The following PLAC1 variants were observed in gnomAD, a reference collection of about 807,000 sequenced individuals.
The protein encoded by PLAC1 is placenta associated 1, also known as placenta-specific protein 1.
For missense variants in PLAC1, 136 were observed against 163.2 expected, an observed-to-expected ratio of 0.83 and a Z score of 0.91; for synonymous variants, 68 against 62.1, an observed-to-expected ratio of 1.09 and a Z score of -0.44.
At chrX:134,649,711 G>A (rs1169341026) in intron 1 of PLAC1, among the ~76,000 whole-genome samples, 2 of 112,420 alleles carry the variant, frequency 1.8e-5, no homozygotes, top group East Asian at 2.8e-4. Flanking sequence ...AAAAGCCACT[G>A]TAAGGCCCTA....
upstream of PLAC1, among the ~76,000 whole-genome samples, chrX:134,662,465 T>C (rs768692481): frequency 8.9e-6 from 1 of 112,682 alleles, no homozygotes; most frequent in Non-Finnish European, 1.9e-5. Flanking sequence ...ACTATTTATG[T>C]CAGGGAAACT....
intron 1 of PLAC1, among the ~76,000 whole-genome samples, chrX:134,736,843 T>C (rs936509166): frequency 1.8e-5 from 2 of 112,033 alleles, no homozygotes; most frequent in Non-Finnish European, 3.8e-5. Context: ...CCGAAGGGCA[T>C]TGTGTTTGAT....
intron 1 of PLAC1, among the ~76,000 whole-genome samples, chrX:134,635,088 G>T (rs1375016185): frequency 9.0e-6 from 1 of 111,588 alleles, no homozygotes; most frequent in Non-Finnish European, 1.9e-5. Flanking sequence ...CTTTCCCTGG[G>T]ATAGTCTGAC....
Position 134,708,214 on chromosome X carries a change from A to C in PLAC1, n.174+25221T>G, listed in dbSNP as rs886808520. Among the ~76,000 whole-genome samples, 27 of 111,855 alleles carry C rather than the reference A, an allele frequency of 2.4e-4. 1 individual carries two copies. Among genetic ancestry groups the C allele is most frequent in the African/African-American group, 7.8e-4 (24 of 30,746 alleles). On this transcript the variant is annotated intron_variant and non_coding_transcript_variant, in intron 2 of 2. Transcript: ENST00000466797. Reference sequence around the variant, plus strand: ...GCACAGAATTCTACACCCAGCAAAAATATTCTTCAAAATGAAGGGGAAATC... The same window carrying C: ...GCACAGAATTCTACACCCAGCAAAACTATTCTTCAAAATGAAGGGGAAATC...
At chrX:134,727,503 G>A in intron 2 of PLAC1, among the ~76,000 whole-genome samples, 1 of 112,222 alleles carries the variant, frequency 8.9e-6, no homozygotes, top group Non-Finnish European at 1.9e-5. Context: ...CTGGCTTTAA[G>A]TTTCATCAAA....
chrX:134,659,066 G>A (rs902556410), upstream of PLAC1, among the ~76,000 whole-genome samples: 13 of 110,308 alleles, frequency 1.2e-4, no homozygotes, highest in South Asian at 8.0e-4. Context: ...GGGCTGTGGC[G>A]GGTGGAAAGC....
chrX:134,588,846 C>T (rs1338991058), intron 2 of PLAC1, among the ~76,000 whole-genome samples: 3 of 111,249 alleles, frequency 2.7e-5, no homozygotes, highest in African/African-American at 9.8e-5. Context: ...TGTCAGGTGG[C>T]CATGAGGAGA....
chrX:134,656,829 C>T (rs2078393880), intron 1 of PLAC1, among the ~76,000 whole-genome samples: 1 of 111,991 alleles, frequency 8.9e-6, no homozygotes, highest in Non-Finnish European at 1.9e-5. Context: ...TTAAGTAATC[C>T]TCCTGCCTCA....
chrX:134,650,587 T>C (rs1312580290), intron 1 of PLAC1, among the ~76,000 whole-genome samples: 2 of 111,915 alleles, frequency 1.8e-5, no homozygotes, highest in Non-Finnish European at 3.8e-5. Context: ...GTCTGTCGTG[T>C]CCACAGCACC....
chrX:134,689,535 C>T (rs1369028117), intron 2 of PLAC1, among the ~76,000 whole-genome samples: 6 of 111,659 alleles, frequency 5.4e-5, no homozygotes, highest in Admixed American at 9.5e-5. Context: ...CTAGCACCCA[C>T]GGGTGTCTCC....
At chrX:134,722,563 C>T (rs1340295795) in intron 2 of PLAC1, among the ~76,000 whole-genome samples, 6 of 111,572 alleles carry the variant, frequency 5.4e-5, no homozygotes, top group Non-Finnish European at 1.1e-4. Context: ...TAATGAGTTT[C>T]TCTTTGGGGA....
chrX:134,573,589 A>C (rs895923133), intron 2 of PLAC1, among the ~76,000 whole-genome samples: 14 of 111,352 alleles, frequency 1.3e-4, no homozygotes, highest in Admixed American at 7.7e-4. Flanking sequence ...TCTTTGATAC[A>C]CCTGTGTCAA....
chrX:134,684,215 T>C (rs1416539953), intron 2 of PLAC1, among the ~76,000 whole-genome samples: 1 of 110,798 alleles, frequency 9.0e-6, no homozygotes, highest in Non-Finnish European at 1.9e-5. Flanking sequence ...TAAAAATTTC[T>C]CCATATAACC....
At chrX:134,688,174 A>G (rs1341504492) in intron 2 of PLAC1, among the ~76,000 whole-genome samples, 3 of 110,849 alleles carry the variant, frequency 2.7e-5, no homozygotes, top group South Asian at 3.9e-4. Context: ...GTTTTCGCCA[A>G]TTCAGACAGT....
intron 1 of PLAC1, among the ~76,000 whole-genome samples, chrX:134,752,056 G>A (rs961698228): frequency 4.5e-5 from 5 of 112,084 alleles, no homozygotes; most frequent in African/African-American, 1.3e-4. Flanking sequence ...ATTGTGAGGA[G>A]ATTTCTGGGC....
intron 2 of PLAC1, among the ~76,000 whole-genome samples, chrX:134,677,156 C>T (rs1274193878): frequency 5.4e-5 from 6 of 111,119 alleles, no homozygotes; most frequent in East Asian, 2.8e-4. Context: ...TGGGTGATTC[C>T]GACGTCCACT....
At chrX:134,583,019 C>T (rs1280605994) in intron 2 of PLAC1, among the ~76,000 whole-genome samples, 2 of 111,377 alleles carry the variant, frequency 1.8e-5, no homozygotes, top group South Asian at 3.8e-4. Flanking sequence ...AACACTGCAT[C>T]GGGTCGTTAT....
chrX:134,654,095 T>C (rs1046647380), intron 1 of PLAC1, among the ~76,000 whole-genome samples: 6 of 112,005 alleles, frequency 5.4e-5, no homozygotes, highest in African/African-American at 1.3e-4. Flanking sequence ...ACCCCAACGA[T>C]TGCAAGAGGA....
chrX:134,605,569 C>T (rs1177344416), intron 1 of PLAC1: 1 of 112,522 alleles, frequency 8.9e-6, no homozygotes, highest in Non-Finnish European at 1.9e-5. Flanking sequence ...TGTGATTTAT[C>T]CATTTGTGTA....
Sources: gnomAD v4.1 joint callset for allele counts (sites outside exome capture counted in the v4.1 genomes callset) on GRCh38, gnomAD v4.1.1 for gene constraint, MANE v1.5 for transcripts, NCBI Gene and HGNC (gene_info 2026-07-23, HGNC 2026-07-21) for gene names.